The following ENOX1 variants were observed in gnomAD, a reference collection of about 807,000 sequenced individuals.
ENOX1 encodes ecto-NOX disulfide-thiol exchanger 1, also known as candidate growth-related and time keeping constitutive hydroquinone (NADH) oxidase.
Under a neutral mutation model 82.5 loss-of-function variants are expected in ENOX1, and 42 were observed. The observed-to-expected ratio is 0.51, with a 90% confidence interval of 0.40 to 0.66. The LOEUF (loss-of-function observed/expected upper bound fraction) is 0.66, where lower values mean the gene tolerates loss of function less well. Among genes scored for constraint, ENOX1 ranks in the 30% least tolerant of loss-of-function variants. The pLI is 0.00. For synonymous variants in ENOX1, 271 were observed against 282.2 expected (o/e 0.96, Z 0.40); for missense variants, 608 against 811.6 (o/e 0.75, Z 3.05).
chr13:43,569,877 C>T (rs1044871531), intron 2 of ENOX1, among the ~76,000 whole-genome samples: 21 of 152,174 alleles, frequency 1.4e-4, no homozygotes, highest in African/African-American at 5.1e-4. Context: ...AATCATCCCA[C>T]ACCACACCCT....
At chr13:43,403,612 G>A (rs553987838) in intron 5 of ENOX1, among the ~76,000 whole-genome samples, 1 of 152,276 alleles carries the variant, frequency 6.6e-6, no homozygotes, top group African/African-American at 2.4e-5. Context: ...GGAGGCTGAG[G>A]CGGGCAGATT....
intron 6 of ENOX1, 92 bp from the exon 7 acceptor site, chr13:43,360,149 C>A: frequency 1.7e-6 from 2 of 1,158,408 alleles, no homozygotes; most frequent in Non-Finnish European, 2.5e-6. Flanking sequence ...GAGTAACTTT[C>A]TCCAGACTGA....
intron 1 of ENOX1, among the ~76,000 whole-genome samples, chr13:43,743,144 G>A (rs1949840399): frequency 6.6e-6 from 1 of 152,148 alleles, no homozygotes. Flanking sequence ...CTCAGAACAA[G>A]TTCAGGGTTG....
At chr13:43,326,815 G>A (rs918964517) in intron 9 of ENOX1, among the ~76,000 whole-genome samples, 3 of 152,112 alleles carry the variant, frequency 2.0e-5, no homozygotes, top group Non-Finnish European at 2.9e-5. Flanking sequence ...ATGTGATTTG[G>A]TCTATCTATA....
Position 43,470,283 on chromosome 13 carries a change from CATAT to C in ENOX1, c.-75+13722_-75+13725del, listed in dbSNP as rs375163688. Among the ~76,000 whole-genome samples the C allele has an allele frequency of 4.3e-4, 27 of 63,322 alleles. 1 individual carries two copies. The highest frequency in any genetic ancestry group is 1.9e-3 in the East Asian group (7 of 3,624). 41.5% of individuals were successfully genotyped at this position (63,322 alleles called of 152,430 possible). On this transcript the variant is annotated intron_variant, in intron 3 of 16. Coordinates refer to ENST00000690772, the MANE Select transcript of ENOX1 (RefSeq NM_001347969.2). Reference sequence around the variant, plus strand: ...ATACATATATATACACATATATATACATATATATATACACATATATATACATATA... The same window carrying C: ...ATACATATATATACACATATATATACATATATACACATATATATACATATA...
At chr13:43,464,929 T>C (rs928801342) in intron 3 of ENOX1, among the ~76,000 whole-genome samples, 1 of 152,212 alleles carries the variant, frequency 6.6e-6, no homozygotes, top group Non-Finnish European at 1.5e-5. Flanking sequence ...GGTCTTGATG[T>C]GTATTAGCCA....
intron 1 of ENOX1, among the ~76,000 whole-genome samples, chr13:43,710,896 G>C (rs568925297): frequency 2.6e-5 from 4 of 151,524 alleles, no homozygotes; most frequent in Non-Finnish European, 5.9e-5. Context: ...TGGCTATCTA[G>C]GATTAAGAAA....
At chr13:43,771,083 G>A (rs1951566973) in intron 1 of ENOX1, among the ~76,000 whole-genome samples, 1 of 152,052 alleles carries the variant, frequency 6.6e-6, no homozygotes, top group Non-Finnish European at 1.5e-5. Context: ...CACAGCCAGC[G>A]GTACCTAAGT....
chr13:43,309,678 G>A (rs2047075869), intron 11 of ENOX1, among the ~76,000 whole-genome samples: 1 of 152,150 alleles, frequency 6.6e-6, no homozygotes, highest in African/African-American at 2.4e-5. Flanking sequence ...TGGAGTCCTT[G>A]GGCAGGGAAA....
At chr13:43,468,578 C>A (rs964491580) in intron 3 of ENOX1, among the ~76,000 whole-genome samples, 1 of 151,340 alleles carries the variant, frequency 6.6e-6, no homozygotes, top group Non-Finnish European at 1.5e-5. Flanking sequence ...TAGCTTGAGC[C>A]CAGGAGTTCA....
chr13:43,419,253 T>C (rs1404331907), intron 3 of ENOX1, among the ~76,000 whole-genome samples: 1 of 152,174 alleles, frequency 6.6e-6, no homozygotes. Flanking sequence ...CTGGGTGTGG[T>C]GGCTCATATC....
intron 2 of ENOX1, among the ~76,000 whole-genome samples, chr13:43,631,189 T>C (rs1409472552): frequency 2.0e-5 from 3 of 152,222 alleles, no homozygotes; most frequent in African/African-American, 4.8e-5. Context: ...ATGCATGTCC[T>C]TTTCCATAAA....
intron 1 of ENOX1, among the ~76,000 whole-genome samples, chr13:43,766,764 CA>C (rs1321987005): frequency 6.6e-6 from 1 of 151,968 alleles, no homozygotes; most frequent in African/African-American, 2.4e-5. Context: ...AAAAACCATC[CA>C]AAAAAATTAA....
At chr13:43,712,642 A>G (rs1469325612) in intron 1 of ENOX1, among the ~76,000 whole-genome samples, 1 of 151,290 alleles carries the variant, frequency 6.6e-6, no homozygotes, top group Non-Finnish European at 1.5e-5. Context: ...CATCCCTTGT[A>G]AGTTGGATTC....
At chr13:43,530,514 G>A (rs2078165486) in intron 2 of ENOX1, among the ~76,000 whole-genome samples, 1 of 152,100 alleles carries the variant, frequency 6.6e-6, no homozygotes, top group South Asian at 2.1e-4. Flanking sequence ...ACTATCTCAT[G>A]TGCAGATATT....
At chr13:43,503,128 G>A (rs146128813) in intron 2 of ENOX1, among the ~76,000 whole-genome samples, 8 of 151,538 alleles carry the variant, frequency 5.3e-5, no homozygotes, top group Non-Finnish European at 1.2e-4. Flanking sequence ...GCATCAAAAA[G>A]AACGAAGTAC....
At chr13:43,219,760 T>C (rs1475650543) in intron 16 of ENOX1, among the ~76,000 whole-genome samples, 1 of 152,192 alleles carries the variant, frequency 6.6e-6, no homozygotes, top group Non-Finnish European at 1.5e-5. Context: ...CATGTACAAA[T>C]GGACACAAGC....
chr13:43,754,517 G>A (rs1172024251), intron 1 of ENOX1, among the ~76,000 whole-genome samples: 1 of 151,292 alleles, frequency 6.6e-6, no homozygotes, highest in African/African-American at 2.4e-5. Context: ...ATTTTTAGCA[G>A]AGACGGGGTT....
At chr13:43,374,492 C>T (rs756498721) in intron 5 of ENOX1, among the ~76,000 whole-genome samples, 11 of 152,002 alleles carry the variant, frequency 7.2e-5, no homozygotes, top group African/African-American at 9.7e-5. Flanking sequence ...GTGATCCTCC[C>T]GCCTCAGCCT....
Sources: allele counts gnomAD v4.1 joint callset (sites outside exome capture counted in the v4.1 genomes callset), GRCh38; gene constraint gnomAD v4.1.1; transcripts MANE v1.5; gene names NCBI Gene and HGNC (gene_info 2026-07-23, HGNC 2026-07-21).